DNER: variants seen among roughly 807,000 people sequenced by gnomAD.
The protein encoded by DNER is delta and Notch-like epidermal growth factor-related receptor.
A neutral mutation model predicts 78.2 loss-of-function variants in DNER; 33 were observed. The observed-to-expected ratio is 0.42, with a 90% confidence interval of 0.32 to 0.56. DNER has a LOEUF of 0.56. DNER is among the 20% of genes least tolerant of loss of function. The pLI, the probability that DNER is intolerant of heterozygous loss-of-function variation, is 0.11. For synonymous variants in DNER, 417 were observed against 384.8 expected, an observed-to-expected ratio of 1.08 and a Z score of -0.98; for missense variants, 918 against 975.3, an observed-to-expected ratio of 0.94 and a Z score of 0.78.
chr2:229,492,167 T>C (rs1695414800), intron 6 of DNER, among the ~76,000 whole-genome samples: 1 of 152,160 alleles, frequency 6.6e-6, no homozygotes, highest in Non-Finnish European at 1.5e-5. Flanking sequence ...TAGTACACAT[T>C]CAGTAAATAA....
chr2:229,671,890 G>C (rs558766211), intron 1 of DNER, among the ~76,000 whole-genome samples: 1 of 152,330 alleles, frequency 6.6e-6, no homozygotes, highest in South Asian at 2.1e-4. Flanking sequence ...TGAGTGTAGT[G>C]CCTGGTGCGT....
intron 1 of DNER, among the ~76,000 whole-genome samples, chr2:229,684,811 TG>T (rs1209724548): frequency 3.3e-5 from 5 of 152,244 alleles, no homozygotes; most frequent in African/African-American, 1.2e-4. Flanking sequence ...CACCTATTTA[TG>T]CCCCACAGTT....
chr2:229,488,435 T>C (rs570382730), intron 6 of DNER, among the ~76,000 whole-genome samples: 1 of 152,384 alleles, frequency 6.6e-6, no homozygotes, highest in Non-Finnish European at 1.5e-5. Context: ...TACATGTGTG[T>C]GCATGTGTTG....
intron 10 of DNER, among the ~76,000 whole-genome samples, chr2:229,400,455 G>T (rs1469104623): frequency 1.3e-5 from 2 of 151,920 alleles, no homozygotes; most frequent in African/African-American, 4.8e-5. Context: ...AGAAATGAAT[G>T]ACTCTAGAAC....
chr2:229,429,045 G>A (rs1693947591), intron 8 of DNER, among the ~76,000 whole-genome samples: 1 of 152,168 alleles, frequency 6.6e-6, no homozygotes, highest in Non-Finnish European at 1.5e-5. Context: ...GAAATGTTGT[G>A]GGCCCCTGCA....
intron 1 of DNER, among the ~76,000 whole-genome samples, chr2:229,673,848 A>T (rs959375891): frequency 1.1e-4 from 17 of 152,244 alleles, no homozygotes; most frequent in Admixed American, 2.0e-4. Flanking sequence ...AGGCTGACGC[A>T]TACGGACAAA....
chr2:229,693,992 T>C (rs970988726), intron 1 of DNER, among the ~76,000 whole-genome samples: 1 of 152,304 alleles, frequency 6.6e-6, no homozygotes, highest in African/African-American at 2.4e-5. Flanking sequence ...GAAAATGGTT[T>C]TGTGGGCCAG....
intron 4 of DNER, among the ~76,000 whole-genome samples, chr2:229,565,919 G>A (rs1697097860): frequency 6.6e-6 from 1 of 151,978 alleles, no homozygotes; most frequent in African/African-American, 2.4e-5. Flanking sequence ...TCTCCCACTA[G>A]TACAGTTTCA....
chr2:229,476,676 A>C (rs1695043429), intron 7 of DNER, among the ~76,000 whole-genome samples: 2 of 152,158 alleles, frequency 1.3e-5, no homozygotes, highest in African/African-American at 4.8e-5. Flanking sequence ...CTTCAGGTAA[A>C]ACTATGCCAG....
chr2:229,414,932 A>G (rs7589774), intron 9 of DNER, among the ~76,000 whole-genome samples: 152,304 of 152,326 alleles, frequency 1, 76,141 homozygotes, highest in Middle Eastern at 1. Context: ...GGAGGCCAAG[A>G]CAGGTGGATC....
At chr2:229,556,367 C>T (rs958439513) in intron 4 of DNER, among the ~76,000 whole-genome samples, 5 of 152,164 alleles carry the variant, frequency 3.3e-5, no homozygotes, top group Non-Finnish European at 7.3e-5. Context: ...GCCTGTATAT[C>T]CAGGCTCCAA....
At chr2:229,688,011 T>C (rs952395896) in intron 1 of DNER, among the ~76,000 whole-genome samples, 1 of 152,216 alleles carries the variant, frequency 6.6e-6, no homozygotes, top group Non-Finnish European at 1.5e-5. Context: ...TCCACTGCCA[T>C]TGCAAACCCA....
At chr2:229,380,746 G>A (rs751939705) in intron 11 of DNER, among the ~76,000 whole-genome samples, 23 of 152,064 alleles carry the variant, frequency 1.5e-4, no homozygotes, top group African/African-American at 4.3e-4. Context: ...CCAACATAGT[G>A]AAACCCCTTC....
intron 6 of DNER, among the ~76,000 whole-genome samples, chr2:229,481,998 G>A (rs77486064): frequency 6.6e-6 from 1 of 152,234 alleles, no homozygotes; most frequent in Non-Finnish European, 1.5e-5. Flanking sequence ...ACACAAGAGT[G>A]CAGAAAATGT....
At chr2:229,527,406 C>G (rs2154212738) in intron 5 of DNER, among the ~76,000 whole-genome samples, 1 of 152,334 alleles carries the variant, frequency 6.6e-6, no homozygotes, top group East Asian at 1.9e-4. Flanking sequence ...TTCACTGAAA[C>G]CAACCCCCAA....
chr2:229,366,728 A>T, intron 12 of DNER, 145 bp downstream of exon 12: 1 of 1,283,448 alleles, frequency 7.8e-7, no homozygotes, highest in Non-Finnish European at 1.1e-6. Context: ...TGGTCGAATG[A>T]TCTATCCCCA....
At chr2:229,658,014 A>G (rs1040769950) in intron 1 of DNER, among the ~76,000 whole-genome samples, 10 of 152,246 alleles carry the variant, frequency 6.6e-5, no homozygotes, top group Admixed American at 6.5e-4. Flanking sequence ...ATTAAAAATG[A>G]AACAGTGAAT....
At chr2:229,615,900 G>A (rs955580524) in intron 1 of DNER, among the ~76,000 whole-genome samples, 3 of 152,160 alleles carry the variant, frequency 2.0e-5, no homozygotes, top group Non-Finnish European at 2.9e-5. Flanking sequence ...TAATTCCCCA[G>A]GTAGACATGG....
intron 1 of DNER, among the ~76,000 whole-genome samples, chr2:229,688,012 T>G (rs208788): frequency 0.84 from 127,913 of 152,218 alleles, 54,032 homozygotes; most frequent in East Asian, 0.94. Context: ...CCACTGCCAT[T>G]GCAAACCCAC....
Sources: gnomAD v4.1 joint callset for allele counts (sites outside exome capture counted in the v4.1 genomes callset) on GRCh38, gnomAD v4.1.1 for gene constraint, MANE v1.5 for transcripts, NCBI Gene and HGNC (gene_info 2026-07-23, HGNC 2026-07-21) for gene names.